Variants in YWHAG observed in about 807,000 individuals in gnomAD.
YWHAG encodes tyrosine 3-monooxygenase/tryptophan 5-monooxygenase activation protein gamma.
Under a neutral mutation model 23.3 loss-of-function variants are expected in YWHAG, and 1 was observed. The observed-to-expected ratio is 0.04, with a 90% CI of 0.02 to 0.20. The LOEUF (loss-of-function observed/expected upper bound fraction) is 0.20. YWHAG is among the 10% of genes least tolerant of loss of function. YWHAG has a pLI of 1.00. For synonymous variants in YWHAG, 160 were observed against 144.0 expected, an observed-to-expected ratio of 1.11 and a Z score of -0.80; for missense variants, 151 against 338.6, an observed-to-expected ratio of 0.45 and a Z score of 4.35.
At position 76,358,958 on chromosome 7, in the gene YWHAG, G is replaced by C. The variant is rs1804009179; in HGVS notation, c.-150C>G. 4.6e-6 allele frequency: 3 copies of C among 647,640 alleles called. No homozygotes were observed. The highest frequency in any genetic ancestry group is 7.0e-6 in the Non-Finnish European group (3 of 429,210). The allele number at this position is 647,640 out of a possible 1,614,324, so 40.1% of individuals were successfully genotyped here. ...CGGCTGCGCGGAGGAGGCGGCTGGA[G>C]CTGCGACCGCGGGACCGGGCGCGAG... On this transcript the variant is annotated 5_prime_UTR_variant, in exon 1 of 2. Coordinates refer to ENST00000307630, the MANE Select transcript of YWHAG (RefSeq NM_012479.4).
Position 76,350,756 on chromosome 7 carries a change from A to T in YWHAG, c.87+7966T>A, listed in dbSNP as rs368580676. Among the ~76,000 whole-genome samples the T allele has an allele frequency of 2.0e-5, 3 of 152,312 alleles. No homozygotes were observed. The East Asian group carries it at 5.8e-4, about 29-fold the overall frequency. On this transcript the variant is annotated intron_variant, in intron 1 of 1. Coordinates refer to ENST00000307630, the MANE Select transcript of YWHAG (RefSeq NM_012479.4). The stretch of plus-strand genomic sequence containing the variant: ...CTACTTGGGAAGCTGAGGCAGGAGA[A>T]TCGCTGGAACTCAGGAGGCAGAGGT...
chr7:76,348,570 A>AT (rs1295021723), intron 1 of YWHAG, among the ~76,000 whole-genome samples: 1 of 151,766 alleles, frequency 6.6e-6, no homozygotes, highest in African/African-American at 2.4e-5. Context: ...CGCCCGACTA[A>AT]TTTTTTTGTA....
chr7:76,337,781 C>T (rs1024640972), intron 1 of YWHAG, among the ~76,000 whole-genome samples: 4 of 152,134 alleles, frequency 2.6e-5, no homozygotes, highest in African/African-American at 7.2e-5. Context: ...AGTGATCCGC[C>T]CGCCTCAGCC....
chr7:76,335,485 A>T (rs988861311), intron 1 of YWHAG, among the ~76,000 whole-genome samples: 1 of 152,244 alleles, frequency 6.6e-6, no homozygotes, highest in Non-Finnish European at 1.5e-5. Flanking sequence ...AAGGAATCAG[A>T]TGTTAATTAG....
chr7:76,348,240 A>C (rs1050190332), intron 1 of YWHAG, among the ~76,000 whole-genome samples: 13 of 151,130 alleles, frequency 8.6e-5, no homozygotes, highest in South Asian at 4.2e-4. Context: ...AAAAACAAAA[A>C]CTTAAAACAA....
At position 76,327,668 on chromosome 7, in the gene YWHAG, G is replaced by GCCCCCCCCCC. The variant is rs71085403; in HGVS notation, c.*1899_*1908dup. ...AATTAGGGAAAGCCCCACCTACCCT[G>GCCCCCCCCCC]CCCCCCCCCCCCTCCCCCCCCAAAT... On this transcript the variant is annotated 3_prime_UTR_variant, in exon 2 of 2. Coordinates refer to ENST00000307630, the MANE Select transcript of YWHAG (RefSeq NM_012479.4). The GCCCCCCCCCC allele has an allele frequency of 1.4e-3, 67 of 47,104 alleles. No homozygotes were observed. The highest frequency in any genetic ancestry group is 2.4e-3 in the Admixed American group (10 of 4,198). The allele number at this position is 47,104 out of a possible 1,614,324, so 2.9% of individuals were successfully genotyped here.
intron 1 of YWHAG, among the ~76,000 whole-genome samples, chr7:76,350,356 T>G (rs1270015571): frequency 6.6e-6 from 1 of 152,188 alleles, no homozygotes; most frequent in Non-Finnish European, 1.5e-5. Context: ...GGTCCTGTAC[T>G]AGTGAGGACC....
At chr7:76,337,890 A>G (rs574937099) in intron 1 of YWHAG, among the ~76,000 whole-genome samples, 1 of 152,292 alleles carries the variant, frequency 6.6e-6, no homozygotes, top group South Asian at 2.1e-4. Context: ...AGCCATGAGT[A>G]CAAGTATTTG....
At chr7:76,354,372 G>A (rs1039898047) in intron 1 of YWHAG, among the ~76,000 whole-genome samples, 6 of 151,910 alleles carry the variant, frequency 3.9e-5, no homozygotes, top group African/African-American at 7.3e-5. Context: ...TTCACTGGGC[G>A]TGGTGGTGGG....
chr7:76,348,405 G>A (rs1476342437), intron 1 of YWHAG, among the ~76,000 whole-genome samples: 4 of 148,478 alleles, frequency 2.7e-5, no homozygotes, highest in African/African-American at 5.0e-5. Context: ...ATAGGCGCAC[G>A]CCACCATGCC....
In YWHAG at chr7:76,358,942, G is replaced by T; in HGVS notation, c.-134C>A. 3.8e-6 allele frequency: 3 copies of T among 795,798 alleles called. 1 individual carries two copies. The highest frequency in any genetic ancestry group is 1.8e-5 in the African/African-American group (1 of 55,222). 49.3% of individuals were successfully genotyped at this position (795,798 alleles called of 1,614,324 possible). ...CGAGCAGCTGAGGCGGCGGCTGCGC[G>T]GAGGAGGCGGCTGGAGCTGCGACCG... On this transcript the variant is annotated 5_prime_UTR_variant, in exon 1 of 2. Coordinates refer to ENST00000307630, the MANE Select transcript of YWHAG (RefSeq NM_012479.4).
At chr7:76,341,072 G>T (rs1455608176) in intron 1 of YWHAG, among the ~76,000 whole-genome samples, 2 of 152,040 alleles carry the variant, frequency 1.3e-5, no homozygotes, top group Non-Finnish European at 2.9e-5. Flanking sequence ...AAGTGCAGGG[G>T]AAGCCACCGC....
intron 1 of YWHAG, among the ~76,000 whole-genome samples, chr7:76,345,185 CTTT>C (rs944242945): frequency 5.3e-5 from 7 of 132,214 alleles, no homozygotes; most frequent in Admixed American, 7.8e-5. Flanking sequence ...TATCCTAAGG[CTTT>C]TTTTTTTTTT....
chr7:76,348,912 C>A (rs17149161), intron 1 of YWHAG, among the ~76,000 whole-genome samples: 45,516 of 152,012 alleles, frequency 0.3, 6,993 homozygotes, highest in East Asian at 0.44. Context: ...AACATTTCCA[C>A]CTTTAAAATC....
chr7:76,355,209 T>C (rs143044213), intron 1 of YWHAG, among the ~76,000 whole-genome samples: 117 of 152,380 alleles, frequency 7.7e-4, no homozygotes, highest in African/African-American at 2.7e-3. Context: ...GTGACAGTTA[T>C]GTTACGCAAC....
At chr7:76,334,462 C>G (rs1364976170) in intron 1 of YWHAG, among the ~76,000 whole-genome samples, 1 of 152,226 alleles carries the variant, frequency 6.6e-6, no homozygotes, top group Non-Finnish European at 1.5e-5. Context: ...GGGTCTCACT[C>G]TGTTGCCCTG....
rs1035573080 is a variant in YWHAG at position 76,329,336 on chromosome 7, C to A, written c.*241G>T. On this transcript the variant is annotated 3_prime_UTR_variant, in exon 2 of 2. Transcript: ENST00000307630. This position sits in a 1 kb window ranked among gnomAD's most constrained non-coding sequence, Gnocchi z 6.1. ...AGACAGCTCCACTTGCATGAATCTA[C>A]AGAACAGTCCAGACGCCAGTGTGAG... 3.9e-6 allele frequency: 2 copies of A among 516,072 alleles called. No homozygotes were observed. Among genetic ancestry groups the A allele is most frequent in the Non-Finnish European group, 3.4e-6 (1 of 293,554 alleles). 32.0% of individuals were successfully genotyped at this position (516,072 alleles called of 1,614,324 possible). A position where few individuals can be genotyped will look rare whatever the true frequency, so the allele number is the denominator to read the frequency against.
chr7:76,333,128 C>T (rs548849115), intron 1 of YWHAG, among the ~76,000 whole-genome samples: 1 of 152,052 alleles, frequency 6.6e-6, no homozygotes, highest in African/African-American at 2.4e-5. Flanking sequence ...GCCACCACAC[C>T]CAGCTAATTT....
Position 76,329,535 on chromosome 7 carries a change from G to A in YWHAG, c.*42C>T. 3 of 1,404,860 alleles carry A rather than the reference G, an allele frequency of 2.1e-6. No individual in the cohort carries two copies. In the South Asian group the frequency reaches 3.9e-5, roughly 18 times the overall value. The allele number at this position is 1,404,860 out of a possible 1,614,324, so 87.0% of individuals were successfully genotyped here. On this transcript the variant is annotated 3_prime_UTR_variant, in exon 2 of 2. Transcript: ENST00000307630. The surrounding 1 kb of genome is among the most constrained non-coding windows in gnomAD (Gnocchi z 6.1). ...AACTCATGGGAAAAAAATAAAGACT[G>A]CAGTAGTAGCATCCGCGTGCGCTGC...
Sources: gnomAD v4.1 joint callset for allele counts (sites outside exome capture counted in the v4.1 genomes callset) on GRCh38, gnomAD v4.1.1 for gene constraint, Gnocchi (gnomAD v3.1) non-coding constraint, MANE v1.5 for transcripts, NCBI Gene and HGNC (gene_info 2026-07-23, HGNC 2026-07-21) for gene names.